The following NUP62CL variants were observed in gnomAD, a reference collection of about 807,000 sequenced individuals.
NUP62CL encodes nucleoporin 62 C-terminal like, also known as nucleoporin-62 C-terminal-like protein.
A neutral mutation model predicts 15.3 loss-of-function variants in NUP62CL; 13 were observed. The observed-to-expected ratio is 0.85, with a 90% CI of 0.55 to 1.35. The LOEUF (loss-of-function observed/expected upper bound fraction) is 1.35. Among genes scored for constraint, NUP62CL ranks in the 40% most tolerant of loss-of-function variants. The pLI, the probability that NUP62CL is intolerant of heterozygous loss-of-function variation, is 0.00. For missense variants in NUP62CL, 123 were observed against 130.6 expected (o/e 0.94, Z 0.28); for synonymous variants, 54 against 49.2 (o/e 1.10, Z -0.41).
chrX:107,125,184 A>G (rs932617735), intron 8 of NUP62CL, among the ~76,000 whole-genome samples: 44 of 111,897 alleles, frequency 3.9e-4, no homozygotes, highest in African/African-American at 1.2e-3. Flanking sequence ...ATTCCACTTA[A>G]TAACTGGTAA....
At chrX:107,140,452 C>T (rs1018807599) in intron 8 of NUP62CL, among the ~76,000 whole-genome samples, 9 of 111,748 alleles carry the variant, frequency 8.1e-5, no homozygotes, top group Non-Finnish European at 1.5e-4. Flanking sequence ...TTTAGAGTCA[C>T]AGCTACTGTG....
At chrX:107,187,377 C>T (rs1927087651) in intron 2 of NUP62CL, among the ~76,000 whole-genome samples, 1 of 111,816 alleles carries the variant, frequency 8.9e-6, no homozygotes, top group South Asian at 3.6e-4. Context: ...AAAAATTGTA[C>T]AAACAGCTAA....
At chrX:107,132,231 G>T in intron 8 of NUP62CL, 1 of 1,093,446 alleles carries the variant, frequency 9.1e-7, no homozygotes, top group Non-Finnish European at 1.3e-6. Context: ...TACCTTCTGA[G>T]AAAGTTCTGT....
At chrX:107,147,160 A>G (rs1350895070) in intron 8 of NUP62CL, among the ~76,000 whole-genome samples, 4 of 111,908 alleles carry the variant, frequency 3.6e-5, no homozygotes, top group Non-Finnish European at 7.5e-5. Context: ...TTCTCAATAT[A>G]TATGAAATGG....
At chrX:107,167,043 A>T (rs1222616593) in intron 4 of NUP62CL, among the ~76,000 whole-genome samples, 1 of 111,813 alleles carries the variant, frequency 8.9e-6, no homozygotes, top group Non-Finnish European at 1.9e-5. Flanking sequence ...TACTGTTGAG[A>T]TGTTATCATT....
chrX:107,154,900 A>G (rs1201372914), intron 4 of NUP62CL, among the ~76,000 whole-genome samples: 1 of 111,568 alleles, frequency 9.0e-6, no homozygotes, highest in African/African-American at 3.3e-5. Flanking sequence ...ATCCAATGAC[A>G]AGTTGAACCT....
At chrX:107,134,550 C>G (rs1017977573) in intron 8 of NUP62CL, among the ~76,000 whole-genome samples, 1 of 111,245 alleles carries the variant, frequency 9.0e-6, no homozygotes, top group African/African-American at 3.3e-5. Context: ...GCCTCCTGGG[C>G]TTAAGCCATC....
chrX:107,147,721 T>G, intron 8 of NUP62CL, 22 bp downstream of exon 8: 1 of 925,689 alleles, frequency 1.1e-6, no homozygotes, highest in East Asian at 3.1e-5. Context: ...ATACACAGAG[T>G]GGCATACAAG....
chrX:107,175,966 C>G (rs1247786020), intron 2 of NUP62CL, among the ~76,000 whole-genome samples: 4 of 111,383 alleles, frequency 3.6e-5, no homozygotes, highest in Non-Finnish European at 7.5e-5. Flanking sequence ...CAATCACCCT[C>G]ACCCTGATTA....
intron 1 of NUP62CL, among the ~76,000 whole-genome samples, chrX:107,196,575 G>C (rs1185324962): frequency 8.9e-6 from 1 of 111,951 alleles, no homozygotes; most frequent in African/African-American, 3.2e-5. Flanking sequence ...CCAAGTAACA[G>C]GGATTACAGG....
At chrX:107,130,377 C>G (rs754947901) in intron 8 of NUP62CL, among the ~76,000 whole-genome samples, 4 of 111,961 alleles carry the variant, frequency 3.6e-5, no homozygotes, top group Non-Finnish European at 7.5e-5. Flanking sequence ...AAAATTATTT[C>G]CAAGCTAAAA....
intron 1 of NUP62CL, among the ~76,000 whole-genome samples, chrX:107,196,783 G>A (rs1488254711): frequency 9.0e-6 from 1 of 111,467 alleles, no homozygotes; most frequent in Non-Finnish European, 1.9e-5. Context: ...ATTGTTAGGG[G>A]CCTATATGAA....
chrX:107,157,049 G>T (rs1263091167), intron 4 of NUP62CL, among the ~76,000 whole-genome samples: 1 of 101,975 alleles, frequency 9.8e-6, no homozygotes, highest in Non-Finnish European at 2.0e-5. Flanking sequence ...TGAAATGAAT[G>T]AAATGAAGCG....
At chrX:107,205,306 G>C (rs1268968837) in intron 1 of NUP62CL, among the ~76,000 whole-genome samples, 2 of 112,120 alleles carry the variant, frequency 1.8e-5, no homozygotes, top group African/African-American at 6.5e-5. Flanking sequence ...AGCTCCACAA[G>C]TATCTAGTGA....
At chrX:107,147,866 AT>A (rs1384078473) in intron 7 of NUP62CL, 57 bp from the exon 8 acceptor site, 1 of 940,710 alleles carries the variant, frequency 1.1e-6, no homozygotes, top group East Asian at 3.1e-5. Context: ...TAAATAAAAA[AT>A]AAACATAAGA....
intron 8 of NUP62CL, among the ~76,000 whole-genome samples, chrX:107,133,285 T>G (rs768038994): frequency 9.0e-6 from 1 of 111,445 alleles, no homozygotes; most frequent in African/African-American, 3.3e-5. Context: ...AAATGTCTAT[T>G]TGATTACTCT....
chrX:107,175,236 T>A (rs1926756191), intron 2 of NUP62CL, 43 bp from the exon 3 acceptor site: 1 of 633,653 alleles, frequency 1.6e-6, no homozygotes, highest in Non-Finnish European at 2.5e-6. Context: ...TCACTAAAAA[T>A]AATTTTTAAA....
rs1926092326 is a variant in NUP62CL at position 107,153,252 on chromosome X, C to G, written c.450G>C (p.Leu150=). 6 of 1,207,815 alleles carry G rather than the reference C, an allele frequency of 5.0e-6. No individual in the cohort carries two copies. In the East Asian group the frequency reaches 1.8e-4, roughly 36 times the overall value. ...ILSQQQELEF[L]LTYLEESTRD... ...GCGTAGACTCCTCTAAATAAGTCAA[C>G]AGAAATTCTAGTTCCTGCTGCTGTG... Residue 150 remains leucine, a synonymous_variant, in exon 7 of 9, where the codon CTG becomes CTC. Transcript: ENST00000372466.
At chrX:107,157,279 G>A (rs1268375616) in intron 4 of NUP62CL, among the ~76,000 whole-genome samples, 1 of 105,571 alleles carries the variant, frequency 9.5e-6, no homozygotes, top group South Asian at 4.5e-4. Flanking sequence ...TACAGAGAAC[G>A]CCACAAAGAT....
Sources: allele counts gnomAD v4.1 joint callset (sites outside exome capture counted in the v4.1 genomes callset), GRCh38; gene constraint gnomAD v4.1.1; transcripts MANE v1.5; gene names NCBI Gene and HGNC (gene_info 2026-07-23, HGNC 2026-07-21).